C1GALT1C1L: variants seen among roughly 807,000 people sequenced by gnomAD.
C1GALT1C1L encodes the protein C1GALT1-specific chaperone 1-like protein.
A neutral mutation model predicts 0.5 loss-of-function variants in C1GALT1C1L; 1 was observed. The observed-to-expected ratio is 2.11, with a 90% CI of 0.75 to 10.02. The LOEUF (loss-of-function observed/expected upper bound fraction) is 10.02, where lower values mean the gene tolerates loss of function less well. Among genes scored for constraint, C1GALT1C1L ranks in the 30% most tolerant of loss-of-function variants. C1GALT1C1L has a pLI of 0.13. For synonymous variants in C1GALT1C1L, 148 were observed against 132.6 expected (o/e 1.12, Z -0.80); for missense variants, 444 against 375.5 (o/e 1.18, Z -1.51).
chr2:43,675,165 ATATTT>A lies in C1GALT1C1L; in HGVS notation c.*205_*209del, dbSNP rs1474865070. ...AGCAGGTGAAATTAATTTTAATAGTATATTTTATTTAATGCAAAATATCCAAAACA... is the reference window on the plus strand; with the variant it reads ...AGCAGGTGAAATTAATTTTAATAGTATATTTAATGCAAAATATCCAAAACA... On this transcript the variant is annotated 3_prime_UTR_variant, in exon 1 of 1. Coordinates refer to ENST00000475092, the MANE Select transcript of C1GALT1C1L (RefSeq NM_001101330.3). The A allele has an allele frequency of 2.4e-6, 1 of 414,598 alleles. No individual in the cohort carries two copies. Among genetic ancestry groups the A allele is most frequent in the African/African-American group, 2.0e-5 (1 of 48,880 alleles). 25.7% of individuals were successfully genotyped at this position (414,598 alleles called of 1,614,324 possible). A position where few individuals can be genotyped will look rare whatever the true frequency, so the allele number is the denominator to read the frequency against.
Position 43,676,343 on chromosome 2 carries a change from G to GCCAGGAAAA in C1GALT1C1L, c.-22_-21insTTTTCCTGG. On this transcript the variant is annotated 5_prime_UTR_variant, in exon 1 of 1. Transcript: ENST00000475092. ...ACCATTTTCCAGGCGTTAGGACAGT[G>GCCAGGAAAA]TGCCAGGGTCAAAGGCAGCCTGGGA... The GCCAGGAAAA allele has an allele frequency of 1.5e-5, 23 of 1,566,394 alleles. No homozygotes were observed. Among genetic ancestry groups the GCCAGGAAAA allele is most frequent in the Non-Finnish European group, 1.9e-5 (22 of 1,156,188 alleles).
In C1GALT1C1L at chr2:43,676,330, G is replaced by A; in HGVS notation, c.-8C>T. The A allele has an allele frequency of 6.3e-7, 1 of 1,589,112 alleles. No homozygotes were observed. Among genetic ancestry groups the A allele is most frequent in the South Asian group, 1.2e-5 (1 of 86,196 alleles). ...CCCACTAGCGGAAACCATTTTCCAG[G>A]CGTTAGGACAGTGTGCCAGGGTCAA... On this transcript the variant is annotated 5_prime_UTR_variant, in exon 1 of 1. Transcript: ENST00000475092.
Position 43,675,491 on chromosome 2 carries a change from G to A in C1GALT1C1L, c.832C>T (p.Leu278=). ...ATTACTTCCATCTTTTGGGGGGTCA[G>A]TCCATTGAAAGTAATAGCCATATCT... is the stretch of plus-strand genomic sequence containing the variant. ...CSDMAITFNG[L]TPQKMEVMMY... is the part of the protein sequence containing the mutation. The change falls in exon 1 of 1, where the codon CTG becomes TTG. Residue 278 remains leucine (L), a synonymous_variant. Coordinates refer to ENST00000475092, the MANE Select transcript of C1GALT1C1L (RefSeq NM_001101330.3). The A allele has an allele frequency of 1.2e-6, 2 of 1,614,014 alleles. No homozygotes were observed. The highest frequency in any genetic ancestry group is 2.2e-5 in the East Asian group (1 of 44,880).
Position 43,675,505 on chromosome 2 carries a change from A to G in C1GALT1C1L, c.818T>C (p.Ile273Thr). The change falls in exon 1 of 1, where the codon ATT becomes ACT. Residue 273 changes from isoleucine (I) to threonine (T), a missense_variant. Physicochemically the swap from Ile to Thr is moderately conservative, Grantham distance 89. Transcript: ENST00000475092. The stretch of plus-strand genomic sequence containing the variant: ...TTGGGGGGTCAGTCCATTGAAAGTA[A>G]TAGCCATATCTGAACAGCAGCCTTC... The part of the protein sequence containing the change: ...VVEGCCSDMA[I>T]TFNGLTPQKM... 1 of 1,614,034 alleles carries G rather than the reference A, an allele frequency of 6.2e-7. No homozygotes were observed. Among genetic ancestry groups the G allele is most frequent in the Non-Finnish European group, 8.5e-7 (1 of 1,179,908 alleles).
chr2:43,675,210 A>T lies in C1GALT1C1L; in HGVS notation c.*165T>A, dbSNP rs1667683519. 5 of 452,240 alleles carry T rather than the reference A, an allele frequency of 1.1e-5. No homozygotes were observed. In the East Asian group the frequency reaches 1.6e-4, roughly 15 times the overall value. 28.0% of individuals were successfully genotyped at this position (452,240 alleles called of 1,614,324 possible). A position where few individuals can be genotyped will look rare whatever the true frequency, so the allele number is the denominator to read the frequency against. On this transcript the variant is annotated 3_prime_UTR_variant, in exon 1 of 1. Transcript: ENST00000475092. ...TATCCAAAACATTATTTCAATGTGGAGTCAATATGAAATATTACTGAGATG... is the reference window on the plus strand; with the variant it reads ...TATCCAAAACATTATTTCAATGTGGTGTCAATATGAAATATTACTGAGATG...
Position 43,675,957 on chromosome 2 carries a change from G to A in C1GALT1C1L, c.366C>T (p.Thr122=), listed in dbSNP as rs751156756. 12 of 1,613,906 alleles carry A rather than the reference G, an allele frequency of 7.4e-6. No individual in the cohort carries two copies. The highest frequency in any genetic ancestry group is 2.2e-5 in the South Asian group (2 of 91,088). ...ESNDRWVQMR[T]AYKYVFEKYG... Reference sequence around the variant, plus strand: ...ACTTTTCAAAGACGTATTTGTAAGCGGTCCTCATCTGTACCCACCTGTCAT... The same window carrying A: ...ACTTTTCAAAGACGTATTTGTAAGCAGTCCTCATCTGTACCCACCTGTCAT... Residue 122 remains threonine (T), a synonymous_variant, in exon 1 of 1, where the codon ACC becomes ACT. Coordinates refer to ENST00000475092, the MANE Select transcript of C1GALT1C1L (RefSeq NM_001101330.3).
chr2:43,676,240 T>A lies in C1GALT1C1L; in HGVS notation c.83A>T (p.Gln28Leu). Residue 28 changes from glutamine (Q) to leucine (L), a missense_variant, in exon 1 of 1, where the codon CAA becomes CTA. Transcript: ENST00000475092. ...ISWVLITMFG[Q>L]IHIRHRGQTQ... ...TTGACCTCTGTGTCGAATGTGAATT[T>A]GGCCAAACATAGTTATCAAAACCCA... is the stretch of plus-strand genomic sequence containing the variant. 2 of 1,613,986 alleles carry A rather than the reference T, an allele frequency of 1.2e-6. No homozygotes were observed. The highest frequency in any genetic ancestry group is 1.7e-6 in the Non-Finnish European group (2 of 1,179,882).
At position 43,675,823 on chromosome 2, in the gene C1GALT1C1L, A is replaced by C. The variant is rs916103594; in HGVS notation, c.500T>G (p.Leu167Arg). 3 of 1,613,992 alleles carry C rather than the reference A, an allele frequency of 1.9e-6. No homozygotes were observed. Among genetic ancestry groups the C allele is most frequent in the Middle Eastern group, 1.6e-4 (1 of 6,062 alleles). The part of the protein sequence containing the change: ...FTRDASQPFY[L>R]GHTVIFGDLE... Reference sequence around the variant, plus strand: ...GTCTCCAAATATAACAGTGTGGCCCAGATAGAAGGGCTGGGATGCATCCCT... The same window carrying C: ...GTCTCCAAATATAACAGTGTGGCCCCGATAGAAGGGCTGGGATGCATCCCT... Residue 167 changes from leucine (L) to arginine (R), a missense_variant, in exon 1 of 1, where the codon CTG becomes CGG. Physicochemically the swap from Leu to Arg is moderately radical, Grantham distance 102. Coordinates refer to ENST00000475092, the MANE Select transcript of C1GALT1C1L (RefSeq NM_001101330.3).
Sources: allele counts gnomAD v4.1 joint callset, GRCh38; gene constraint gnomAD v4.1.1; transcripts MANE v1.5; gene names NCBI Gene and HGNC (gene_info 2026-07-23, HGNC 2026-07-21).